The following PRDM16 variants were observed in gnomAD, a reference collection of about 807,000 sequenced individuals.
The protein encoded by PRDM16 is PR/SET domain 16, also known as histone-lysine N-methyltransferase PRDM16.
PRDM16 carries 23 observed loss-of-function variants against 110.6 expected under a neutral mutation model. That is an observed-to-expected ratio of 0.21 (90% CI 0.15 to 0.29). The LOEUF (loss-of-function observed/expected upper bound fraction) is 0.29, where lower values mean the gene tolerates loss of function less well. Among genes scored for constraint, PRDM16 ranks in the 10% least tolerant of loss-of-function variants. The probability of loss-of-function intolerance (pLI) is 1.00; values close to 1 mark genes in which losing one functional copy is unlikely to be tolerated. For synonymous variants in PRDM16, 799 were observed against 781.8 expected (o/e 1.02, Z -0.37); for missense variants, 1,615 against 1,794.3 (o/e 0.90, Z 1.81).
chr1:3,139,220 G>A (rs911586210), intron 1 of PRDM16, among the ~76,000 whole-genome samples: 5 of 152,272 alleles, frequency 3.3e-5, no homozygotes, highest in African/African-American at 1.2e-4. Flanking sequence ...TGGTGCCACC[G>A]GGCCTCCCCT....
intron 5 of PRDM16, among the ~76,000 whole-genome samples, chr1:3,400,973 G>T (rs1643458512): frequency 6.6e-6 from 1 of 152,094 alleles, no homozygotes; most frequent in Non-Finnish European, 1.5e-5. Context: ...GGTTGGCAAG[G>T]GGTGGGTGGG....
At chr1:3,106,985 C>T (rs1569570807) in intron 1 of PRDM16, among the ~76,000 whole-genome samples, 2 of 152,360 alleles carry the variant, frequency 1.3e-5, no homozygotes, top group South Asian at 4.1e-4. Context: ...CCCTGCCCCA[C>T]CAGAGGCCAG....
Position 3,390,049 on chromosome 1 carries a change from C to T in PRDM16, c.573+4763C>T, listed in dbSNP as rs182549849. On this transcript the variant is annotated intron_variant, in intron 4 of 16. Transcript: ENST00000270722. This position sits in a 1 kb window ranked among gnomAD's most constrained non-coding sequence, Gnocchi z 5.0. ...TGGTTCTTTCTCCTGTAATTATGAA[C>T]AAATGAGCTGGTTTGAAATGTTTCA... Among the ~76,000 whole-genome samples the T allele has an allele frequency of 7.0e-6, 1 of 142,094 alleles. No individual in the cohort carries two copies. The highest frequency in any genetic ancestry group is 2.6e-5 in the African/African-American group (1 of 38,694). The allele number at this position is 142,094 out of a possible 152,430, so 93.2% of individuals were successfully genotyped here. A position where few individuals can be genotyped will look rare whatever the true frequency, so the allele number is the denominator to read the frequency against.
At chr1:3,146,855 TGG>T (rs771571319) in intron 1 of PRDM16, among the ~76,000 whole-genome samples, 23 of 83,176 alleles carry the variant, frequency 2.8e-4, no homozygotes, top group Admixed American at 1.0e-3. Context: ...GTGCTCAGTG[TGG>T]GGTGTGTGTG....
intron 1 of PRDM16, among the ~76,000 whole-genome samples, chr1:3,158,258 G>A (rs550089721): frequency 2.6e-5 from 4 of 152,330 alleles, no homozygotes; most frequent in Admixed American, 1.3e-4. Flanking sequence ...GGCACACTGC[G>A]AAGGGGAAAA....
chr1:3,169,380 C>T (rs547757519), intron 1 of PRDM16, among the ~76,000 whole-genome samples: 116 of 152,236 alleles, frequency 7.6e-4, no homozygotes, highest in African/African-American at 2.8e-3. Context: ...ATGGGAGCCC[C>T]GTCCCTAGCG....
Position 3,412,619 on chromosome 1 carries a change from G to C in PRDM16, c.2422G>C (p.Gly808Arg). Residue 808 changes from glycine to arginine, a missense_variant, in exon 9 of 17, where the codon GGC becomes CGC. Transcript: ENST00000270722. ...GEEQPLDLSI[G>R]SRARASQNGG... ...GGAGCAGCCGCTGGACCTGAGCATC[G>C]GCAGCCGGGCCCGTGCCAGCCAAAA... The C allele has an allele frequency of 6.3e-7, 1 of 1,588,876 alleles. No individual in the cohort carries two copies. The highest frequency in any genetic ancestry group is 8.6e-7 in the Non-Finnish European group (1 of 1,166,060).
chr1:3,272,082 C>T (rs1640469029), intron 3 of PRDM16, among the ~76,000 whole-genome samples: 1 of 152,206 alleles, frequency 6.6e-6, no homozygotes, highest in Non-Finnish European at 1.5e-5. Flanking sequence ...ACTTCCGGTG[C>T]TTGCAGACGC....
chr1:3,125,669 C>T (rs1643189302), intron 1 of PRDM16, among the ~76,000 whole-genome samples: 1 of 152,260 alleles, frequency 6.6e-6, no homozygotes, highest in Admixed American at 6.5e-5. Context: ...AAACATCCCT[C>T]AGTGGCTCTC....
intron 3 of PRDM16, among the ~76,000 whole-genome samples, chr1:3,300,877 G>A (rs572360264): frequency 4.6e-5 from 7 of 152,238 alleles, no homozygotes; most frequent in African/African-American, 1.7e-4. Flanking sequence ...TCAGCACCAC[G>A]AATGAAGACT....
chr1:3,114,295 GCA>G (rs1490815665), intron 1 of PRDM16, among the ~76,000 whole-genome samples: 1 of 108,244 alleles, frequency 9.2e-6, no homozygotes. Flanking sequence ...CAGTGGAAAC[GCA>G]CACGCACGCA....
intron 13 of PRDM16, 41 bp from the exon 14 acceptor site, chr1:3,426,010 C>CCAGCGA (rs1638593905): frequency 6.3e-7 from 1 of 1,585,384 alleles, no homozygotes; most frequent in African/African-American, 1.4e-5. Context: ...AGGGAGGGGT[C>CCAGCGA]CAGCGAGAGG....
In PRDM16 at chr1:3,213,141, CA is replaced by C. The variant is rs895542806; in HGVS notation, c.387+26673del. 3.9e-5 allele frequency among the ~76,000 whole-genome samples: 6 copies of C among 152,136 alleles called. No homozygotes were observed. Among genetic ancestry groups the C allele is most frequent in the African/African-American group, 1.4e-4 (6 of 41,406 alleles). ...TATGTGCTTGCAGCAACTCCTCTGCCAAAAAAGGAAATGCCACCGCCAACAG... is the reference window on the plus strand; with the variant it reads ...TATGTGCTTGCAGCAACTCCTCTGCCAAAAAGGAAATGCCACCGCCAACAG... On this transcript the variant is annotated intron_variant, in intron 2 of 16. Transcript: ENST00000270722. The surrounding 1 kb of genome is among the most constrained non-coding windows in gnomAD (Gnocchi z 5.3).
intron 3 of PRDM16, among the ~76,000 whole-genome samples, chr1:3,373,882 A>T (rs546812549): frequency 6.6e-6 from 1 of 152,384 alleles, no homozygotes; most frequent in East Asian, 1.9e-4. Flanking sequence ...GGAAGAAGAC[A>T]GAGCAGGGAA....
chr1:3,094,919 C>T (rs1022411528), intron 1 of PRDM16, among the ~76,000 whole-genome samples: 4 of 152,186 alleles, frequency 2.6e-5, no homozygotes. Context: ...GTGGATGGAG[C>T]CACACAGCCC....
In PRDM16 at chr1:3,381,207, C is replaced by A. The variant is rs2493308; in HGVS notation, c.439-3945C>A. On this transcript the variant is annotated intron_variant, in intron 3 of 16. Transcript: ENST00000270722. Reference sequence around the variant, plus strand: ...ACAGGTGCACCCACACACATGCACACCCCCCACATACATTTGCACCATGCA... The same window carrying A: ...ACAGGTGCACCCACACACATGCACAACCCCCACATACATTTGCACCATGCA... Among the ~76,000 whole-genome samples the A allele has an allele frequency of 4.4e-3, 666 of 152,268 alleles. 3 individuals carry two copies. The highest frequency in any genetic ancestry group is 0.015 in the African/African-American group (635 of 41,546).
chr1:3,257,160 G>A (rs960868921), intron 3 of PRDM16, among the ~76,000 whole-genome samples: 26 of 152,206 alleles, frequency 1.7e-4, no homozygotes, highest in African/African-American at 5.3e-4. Context: ...GGCAGGCCGC[G>A]GAGGGCTCTT....
intron 3 of PRDM16, among the ~76,000 whole-genome samples, chr1:3,338,821 C>T (rs1642213571): frequency 6.6e-6 from 1 of 152,228 alleles, no homozygotes; most frequent in African/African-American, 2.4e-5. Flanking sequence ...ACACACATGC[C>T]ACCGTCCTGT....
chr1:3,079,143 C>T (rs1350346197), intron 1 of PRDM16, among the ~76,000 whole-genome samples: 2 of 152,246 alleles, frequency 1.3e-5, no homozygotes, highest in Admixed American at 6.5e-5. Context: ...CTGGTGGAGC[C>T]GCGTCCCGGA....
Sources: gnomAD v4.1 joint callset for allele counts (sites outside exome capture counted in the v4.1 genomes callset) on GRCh38, gnomAD v4.1.1 for gene constraint, Gnocchi (gnomAD v3.1) non-coding constraint, MANE v1.5 for transcripts, NCBI Gene and HGNC (gene_info 2026-07-23, HGNC 2026-07-21) for gene names.